Variants in C1orf232 observed in about 807,000 individuals in gnomAD.
The protein encoded by C1orf232 is uncharacterized protein C1orf232.
In C1orf232, 10 loss-of-function variants were observed where a neutral mutation model predicts 12.1. The observed-to-expected ratio is 0.82, with a 90% CI of 0.51 to 1.40. The LOEUF is 1.40. Among genes scored for constraint, C1orf232 ranks in the 40% most tolerant of loss-of-function variants. The pLI is 0.00. For synonymous variants in C1orf232, 36 were observed against 39.8 expected (o/e 0.90, Z 0.36); for missense variants, 88 against 98.4 (o/e 0.89, Z 0.45).
chr1:26,165,730 A>G lies in C1orf232; in HGVS notation c.266+96T>C, dbSNP rs1228622728. On this transcript the variant is annotated intron_variant, in intron 3 of 3. Coordinates refer to ENST00000634842, the MANE Select transcript of C1orf232 (RefSeq NM_001364669.2). ...CTGGGACTGCCCCTCCCCAGCCCTC[A>G]GTGGTTAGAAAGACAAACAAACCAG... 2.4e-6 allele frequency: 3 copies of G among 1,231,468 alleles called. No individual in the cohort carries two copies. The East Asian group carries it at 9.5e-5, about 39-fold the overall frequency. The allele number at this position is 1,231,468 out of a possible 1,614,324, so 76.3% of individuals were successfully genotyped here. A position where few individuals can be genotyped will look rare whatever the true frequency, so the allele number is the denominator to read the frequency against.
In C1orf232 at chr1:26,166,066, G is replaced by T. The variant is rs573348982; in HGVS notation, c.137C>A (p.Thr46Asn). 1.6e-6 allele frequency: 2 copies of T among 1,231,568 alleles called. No homozygotes were observed. The highest frequency in any genetic ancestry group is 2.0e-6 in the Non-Finnish European group (2 of 988,010). 76.3% of individuals were successfully genotyped at this position (1,231,568 alleles called of 1,614,324 possible). ...GSETAEPTEE[T>N]FNPMSQLARR... ...GGCCAGCTGTGACATGGGATTGAAG[G>T]TCTCCTCGGTCGGTTCTGCTGTCTC... Residue 46 changes from threonine (T) to asparagine (N), a missense_variant, in exon 2 of 4, where the codon ACC (threonine) becomes AAC (asparagine). By Grantham distance (65) the Thr-to-Asn change is moderately conservative (BLOSUM62 0). Coordinates refer to ENST00000634842, the MANE Select transcript of C1orf232 (RefSeq NM_001364669.2).
intron 3 of C1orf232, 43 bp downstream of exon 3, chr1:26,165,783 C>T (rs1239479196): frequency 8.1e-7 from 1 of 1,231,868 alleles, no homozygotes; most frequent in African/African-American, 1.5e-5. Context: ...GAAGGGGGAC[C>T]TCAGGCCCCT....
At chr1:26,166,713 C>CACCT (rs1434272431) in intron 1 of C1orf232, among the ~76,000 whole-genome samples, 4 of 152,200 alleles carry the variant, frequency 2.6e-5, no homozygotes, top group South Asian at 4.1e-4. Context: ...TGTAGACACA[C>CACCT]ACCTGTACAT....
chr1:26,167,054 A>C (rs187969266), intron 1 of C1orf232, among the ~76,000 whole-genome samples: 1 of 152,228 alleles, frequency 6.6e-6, no homozygotes, highest in African/African-American at 2.4e-5. Flanking sequence ...ACATTTCTGC[A>C]CAAGCCCAGC....
At position 26,165,914 on chromosome 1, in the gene C1orf232, C is replaced by T. The variant is rs2088421062; in HGVS notation, c.178G>A (p.Val60Ile). The change falls in exon 3 of 4, where the codon GTC becomes ATC. Residue 60 changes from valine (V) to isoleucine (I), a missense_variant. Val to Ile is a conservative substitution (Grantham distance 29, BLOSUM62 3). Transcript: ENST00000634842. ...ATTGTCAGCCAGCCTTTCACCCCGA[C>T]CCCCTGAACCTGGGAAAGGGGTTGG... Reference protein sequence around the residue: ...MSQLARRVQGVGVKGWLTMSS... With the variant: ...MSQLARRVQGIGVKGWLTMSS... The T allele has an allele frequency of 3.2e-6, 4 of 1,231,560 alleles. No homozygotes were observed. The highest frequency in any genetic ancestry group is 8.4e-5 in the Admixed American group (2 of 23,690). The allele number at this position is 1,231,560 out of a possible 1,614,324, so 76.3% of individuals were successfully genotyped here.
rs115409388 is a variant in C1orf232, at chr1:26,168,116, G to A, written c.84+300C>T. 3.2e-3 allele frequency among the ~76,000 whole-genome samples: 481 copies of A among 152,274 alleles called. 2 individuals carry two copies. Among genetic ancestry groups the A allele is most frequent in the African/African-American group, 0.011 (462 of 41,554 alleles). The stretch of plus-strand genomic sequence containing the variant: ...TGCTCCCATTAGAAAGTTGTGTCCA[G>A]CTAAGTGTGCCCGTGTGCCTACTGC... On this transcript the variant is annotated intron_variant, in intron 1 of 3. Transcript: ENST00000634842.
At chr1:26,165,248 C>T (rs1557611872) in intron 3 of C1orf232, among the ~76,000 whole-genome samples, 1 of 151,970 alleles carries the variant, frequency 6.6e-6, no homozygotes, top group Non-Finnish European at 1.5e-5. Context: ...GAGAATGTGC[C>T]AGAGATAGAG....
rs1436899160 is a variant in C1orf232 at position 26,168,517 on chromosome 1, G to GC, written c.-19dup. The GC allele has an allele frequency of 1.6e-6, 2 of 1,231,044 alleles. No homozygotes were observed. The highest frequency in any genetic ancestry group is 3.1e-5 in the African/African-American group (2 of 64,390). 76.3% of individuals were successfully genotyped at this position (1,231,044 alleles called of 1,614,324 possible). On this transcript the variant is annotated 5_prime_UTR_variant, in exon 1 of 4. Transcript: ENST00000634842. The stretch of plus-strand genomic sequence containing the variant: ...TGGTTCATGGCTGCAGGGGGAAGGG[G>GC]CCTGGCACGCAAGCACAGGAAGGTG...
chr1:26,165,764 G>A, intron 3 of C1orf232, 62 bp downstream of exon 3: 2 of 1,231,732 alleles, frequency 1.6e-6, no homozygotes, highest in Non-Finnish European at 2.0e-6. Context: ...AGAAGGAAAG[G>A]ACCAGGCAGA....
At position 26,164,734 on chromosome 1, in the gene C1orf232, T is replaced by C. The variant is rs1484777721; in HGVS notation, c.267-279A>G. ...TGGAGGGAGGGGACCGGGATCAGGA[T>C]CCCTGGGGAGAGAATGAGGTCAGGG... On this transcript the variant is annotated intron_variant, in intron 3 of 3. Transcript: ENST00000634842. The surrounding 1 kb of genome is among the most constrained non-coding windows in gnomAD (Gnocchi z 4.2). 6.6e-6 allele frequency among the ~76,000 whole-genome samples: 1 copy of C among 151,628 alleles called. No individual in the cohort carries two copies. The highest frequency in any genetic ancestry group is 1.5e-5 in the Non-Finnish European group (1 of 67,934).
At position 26,168,474 on chromosome 1, in the gene C1orf232, T is replaced by C; in HGVS notation, c.26A>G (p.Tyr9Cys). The C allele has an allele frequency of 8.1e-7, 1 of 1,231,906 alleles. No individual in the cohort carries two copies. The highest frequency in any genetic ancestry group is 1.0e-6 in the Non-Finnish European group (1 of 988,102). 76.3% of individuals were successfully genotyped at this position (1,231,906 alleles called of 1,614,324 possible). A position where few individuals can be genotyped will look rare whatever the true frequency, so the allele number is the denominator to read the frequency against. MNQAFWKT[Y>C]KSKVLQTLSG... ...CAGGGTCTGTAGCACTTTGGACTTG[T>C]AGGTTTTCCAGAAGGCCTGGTTCAT... Residue 9 changes from tyrosine to cysteine, a missense_variant, in exon 1 of 4, where the codon TAC (tyrosine) becomes TGC (cysteine). Coordinates refer to ENST00000634842, the MANE Select transcript of C1orf232 (RefSeq NM_001364669.2).
intron 1 of C1orf232, among the ~76,000 whole-genome samples, chr1:26,166,669 C>T (rs1024305155): frequency 6.6e-6 from 1 of 152,156 alleles, no homozygotes; most frequent in Non-Finnish European, 1.5e-5. Context: ...TCCATATACA[C>T]CCAAAAGCAC....
At chr1:26,165,364 G>C (rs1461574900) in intron 3 of C1orf232, among the ~76,000 whole-genome samples, 1 of 152,182 alleles carries the variant, frequency 6.6e-6, no homozygotes, top group Non-Finnish European at 1.5e-5. Flanking sequence ...GGGGGAGCTT[G>C]CTGAAAACAT....
chr1:26,165,911 C>T lies in C1orf232; in HGVS notation c.181G>A (p.Gly61Arg), dbSNP rs1218714301. The T allele has an allele frequency of 8.9e-6, 11 of 1,231,672 alleles. No individual in the cohort carries two copies. Among genetic ancestry groups the T allele is most frequent in the Admixed American group, 8.4e-5 (2 of 23,678 alleles). 76.3% of individuals were successfully genotyped at this position (1,231,672 alleles called of 1,614,324 possible). Reference sequence around the variant, plus strand: ...GACATTGTCAGCCAGCCTTTCACCCCGACCCCCTGAACCTGGGAAAGGGGT... The same window carrying T: ...GACATTGTCAGCCAGCCTTTCACCCTGACCCCCTGAACCTGGGAAAGGGGT... ...SQLARRVQGV[G>R]VKGWLTMSSL... is the part of the protein sequence containing the mutation. Residue 61 changes from glycine (G) to arginine (R), a missense_variant, in exon 3 of 4, where the codon GGG becomes AGG. Coordinates refer to ENST00000634842, the MANE Select transcript of C1orf232 (RefSeq NM_001364669.2).
Position 26,168,508 on chromosome 1 carries a change from G to T in C1orf232, c.-9C>A, listed in dbSNP as rs1306234516. On this transcript the variant is annotated 5_prime_UTR_variant, in exon 1 of 4. Coordinates refer to ENST00000634842, the MANE Select transcript of C1orf232 (RefSeq NM_001364669.2). Reference sequence around the variant, plus strand: ...CAGAAGGCCTGGTTCATGGCTGCAGGGGGAAGGGGCCTGGCACGCAAGCAC... The same window carrying T: ...CAGAAGGCCTGGTTCATGGCTGCAGTGGGAAGGGGCCTGGCACGCAAGCAC... The T allele has an allele frequency of 8.1e-7, 1 of 1,231,818 alleles. No individual in the cohort carries two copies. Among genetic ancestry groups the T allele is most frequent in the Non-Finnish European group, 1.0e-6 (1 of 988,134 alleles). 76.3% of individuals were successfully genotyped at this position (1,231,818 alleles called of 1,614,324 possible).
chr1:26,166,077 C>A lies in C1orf232; in HGVS notation c.126G>T (p.Pro42=). Residue 42 remains proline (P), a synonymous_variant, in exon 2 of 4, where the codon CCG becomes CCT. Coordinates refer to ENST00000634842, the MANE Select transcript of C1orf232 (RefSeq NM_001364669.2). ...PALVGSETAE[P]TEETFNPMSQ... ...ACATGGGATTGAAGGTCTCCTCGGT[C>A]GGTTCTGCTGTCTCAGACCCCACTA... is the stretch of plus-strand genomic sequence containing the variant. 2.4e-6 allele frequency: 3 copies of A among 1,231,656 alleles called. No homozygotes were observed. In the South Asian group the frequency reaches 1.2e-4, roughly 51 times the overall value. The allele number at this position is 1,231,656 out of a possible 1,614,324, so 76.3% of individuals were successfully genotyped here.
At chr1:26,166,229 C>G (rs2088424549) in intron 1 of C1orf232, 111 bp from the exon 2 acceptor site, 1 of 658,468 alleles carries the variant, frequency 1.5e-6, no homozygotes, top group Non-Finnish European at 2.2e-6. Flanking sequence ...TCCCACAGAA[C>G]TAAACACACA....
chr1:26,164,232 C>T lies in C1orf232; in HGVS notation c.490G>A (p.Gly164Ser), dbSNP rs1051061419. The T allele has an allele frequency of 1.3e-5, 5 of 398,400 alleles. No homozygotes were observed. The highest frequency in any genetic ancestry group is 2.2e-5 in the Non-Finnish European group (5 of 225,978). 24.7% of individuals were successfully genotyped at this position (398,400 alleles called of 1,614,324 possible). ...PESQEAEPVAGFKWGFLTHKL... is the reference protein window; with the variant it reads ...PESQEAEPVASFKWGFLTHKL... The stretch of plus-strand genomic sequence containing the variant: ...TGAGTGAGGAAGCCCCACTTGAAGC[C>T]GGCCACCGGCTCGGCCTCCTGCGAC... Residue 164 changes from glycine to serine, a missense_variant, in exon 4 of 4, where the codon GGC (glycine) becomes AGC (serine). By Grantham distance (56) the Gly-to-Ser change is moderately conservative (BLOSUM62 0). Coordinates refer to ENST00000634842, the MANE Select transcript of C1orf232 (RefSeq NM_001364669.2). The surrounding 1 kb of genome is among the most constrained non-coding windows in gnomAD (Gnocchi z 4.2).
Position 26,168,573 on chromosome 1 carries a change from C to G in C1orf232, c.-74G>C, listed in dbSNP as rs2088450510. The G allele has an allele frequency of 9.4e-7, 1 of 1,067,288 alleles. No homozygotes were observed. The highest frequency in any genetic ancestry group is 1.6e-5 in the African/African-American group (1 of 61,078). The allele number at this position is 1,067,288 out of a possible 1,614,324, so 66.1% of individuals were successfully genotyped here. ...TCAGTGGATACCAGTGAGTCTGGCTCTAGGAACTTGGTGAGGCCAAGAGCC... is the reference window on the plus strand; with the variant it reads ...TCAGTGGATACCAGTGAGTCTGGCTGTAGGAACTTGGTGAGGCCAAGAGCC... On this transcript the variant is annotated 5_prime_UTR_variant, in exon 1 of 4. It removes the in-frame stop codon of an upstream open reading frame in the 5' UTR. Transcript: ENST00000634842.
Sources: allele counts gnomAD v4.1 joint callset (sites outside exome capture counted in the v4.1 genomes callset), GRCh38; gene constraint gnomAD v4.1.1; non-coding constraint Gnocchi (gnomAD v3.1); transcripts MANE v1.5; gene names NCBI Gene and HGNC (gene_info 2026-07-23, HGNC 2026-07-21).